C8A: variants seen among roughly 807,000 people sequenced by gnomAD.
The protein encoded by C8A is complement component C8 alpha chain.
Under a neutral mutation model 65.3 loss-of-function variants are expected in C8A, and 67 were observed. That is an observed-to-expected ratio of 1.03 (90% CI 0.84 to 1.26). The LOEUF (loss-of-function observed/expected upper bound fraction) is 1.26. Among genes scored for constraint, C8A ranks in the 50% most tolerant of loss-of-function variants. C8A has a pLI of 0.00. For synonymous variants in C8A, 290 were observed against 259.4 expected (o/e 1.12, Z -1.13); for missense variants, 781 against 723.9 (o/e 1.08, Z -0.90).
At chr1:56,882,856 A>G (rs1644259070) in intron 5 of C8A, among the ~76,000 whole-genome samples, 1 of 152,186 alleles carries the variant, frequency 6.6e-6, no homozygotes, top group Non-Finnish European at 1.5e-5. Flanking sequence ...TAAAGTAGAA[A>G]GGAAACTGAC....
chr1:56,878,784 A>T (rs1159461567), intron 4 of C8A, among the ~76,000 whole-genome samples: 1 of 152,154 alleles, frequency 6.6e-6, no homozygotes, highest in Non-Finnish European at 1.5e-5. Context: ...GACCCCTGTT[A>T]ACAGTTTGGT....
chr1:56,869,946 A>G (rs1394251002), intron 2 of C8A, among the ~76,000 whole-genome samples: 1 of 152,152 alleles, frequency 6.6e-6, no homozygotes, highest in African/African-American at 2.4e-5. Flanking sequence ...TTGCATAGCT[A>G]GTAAGTGGCA....
At chr1:56,855,023 C>A in intron 1 of C8A, 45 bp downstream of exon 1, 1 of 1,413,746 alleles carries the variant, frequency 7.1e-7, no homozygotes, top group Non-Finnish European at 1.0e-6. Flanking sequence ...GTAGGAATCA[C>A]CTGCTGGGGA....
intron 1 of C8A, 62 bp from the exon 2 acceptor site, chr1:56,867,547 G>A: frequency 8.4e-7 from 1 of 1,193,808 alleles, no homozygotes; most frequent in Admixed American, 1.7e-5. Context: ...AATGTGCACA[G>A]CTTTCTCATT....
At chr1:56,886,281 A>G (rs1644299866) in intron 7 of C8A, 114 bp downstream of exon 7, 4 of 1,231,590 alleles carry the variant, frequency 3.2e-6, no homozygotes, top group Non-Finnish European at 4.7e-6. Flanking sequence ...AGTTTTTAGG[A>G]CAACTCTATA....
intron 5 of C8A, among the ~76,000 whole-genome samples, chr1:56,883,244 T>TGTGC (rs1644262207): frequency 1.3e-5 from 2 of 152,090 alleles, no homozygotes; most frequent in African/African-American, 4.8e-5. Flanking sequence ...TGTGTGTGTG[T>TGTGC]GTGCAAGCAC....
At chr1:56,860,387 C>T (rs1293941407) in intron 1 of C8A, among the ~76,000 whole-genome samples, 1 of 152,122 alleles carries the variant, frequency 6.6e-6, no homozygotes, top group Non-Finnish European at 1.5e-5. Context: ...CCCAAAGAAC[C>T]TTAGGCACCA....
chr1:56,875,211 C>A, intron 3 of C8A, 118 bp downstream of exon 3: 1 of 1,247,038 alleles, frequency 8.0e-7, no homozygotes, highest in Non-Finnish European at 1.1e-6. Context: ...GGTTGCCATT[C>A]TCTAGGTTTG....
Position 56,908,132 on chromosome 1 carries a change from G to A in C8A, c.1380+19G>A. The A allele has an allele frequency of 3.1e-6, 5 of 1,612,846 alleles. No individual in the cohort carries two copies. In the African/African-American group the frequency reaches 6.7e-5, roughly 22 times the overall value. On this transcript the variant is annotated intron_variant, in intron 9 of 10. Transcript: ENST00000361249. ...TTTTGAGGTAAGTCTTTTCGCAGTTGAAGAAACTCTACGTCCATGAGGAAT... is the reference window on the plus strand; with the variant it reads ...TTTTGAGGTAAGTCTTTTCGCAGTTAAAGAAACTCTACGTCCATGAGGAAT...
In C8A at chr1:56,875,028, G is replaced by A. The variant is rs937797777; in HGVS notation, c.251G>A (p.Cys84Tyr). The part of the protein sequence containing the change: ...CSGDIWDQAS[C>Y]SSSTTCVRQA... ...GGTGACATCTGGGATCAAGCCAGCT[G>A]CTCCAGTTCTACAACTTGTGTAAGG... The change falls in exon 3 of 11, where the codon TGC (cysteine) becomes TAC (tyrosine). Residue 84 changes from cysteine to tyrosine, a missense_variant. Transcript: ENST00000361249. 3 of 1,613,656 alleles carry A rather than the reference G, an allele frequency of 1.9e-6. No individual in the cohort carries two copies. Among genetic ancestry groups the A allele is most frequent in the African/African-American group, 2.7e-5 (2 of 74,910 alleles).
chr1:56,900,411 T>G (rs1467981627), intron 7 of C8A, among the ~76,000 whole-genome samples: 1 of 152,192 alleles, frequency 6.6e-6, no homozygotes, highest in Non-Finnish European at 1.5e-5. Context: ...ACAATTATCA[T>G]TCCCGTTTTA....
chr1:56,910,127 T>A (rs1644494688), intron 9 of C8A, among the ~76,000 whole-genome samples: 1 of 152,204 alleles, frequency 6.6e-6, no homozygotes, highest in Admixed American at 6.5e-5. Context: ...GAGCCTGATG[T>A]TCAGAGTGGA....
rs138463337 is a variant in C8A at position 56,892,380 on chromosome 1, C to T, written c.1096+6213C>T. Among the ~76,000 whole-genome samples, 294 of 152,184 alleles carry T rather than the reference C, an allele frequency of 1.9e-3. 1 individual carries two copies. The highest frequency in any genetic ancestry group is 3.5e-3 in the South Asian group (17 of 4,824). ...TCCTGTGAGGGAGGCATGGTTTCCT[C>T]ATTTTTACAGATGAAGGAAACAAGG... On this transcript the variant is annotated intron_variant, in intron 7 of 10. Coordinates refer to ENST00000361249, the MANE Select transcript of C8A (RefSeq NM_000562.3).
At chr1:56,889,967 T>G (rs1644331757) in intron 7 of C8A, among the ~76,000 whole-genome samples, 1 of 152,148 alleles carries the variant, frequency 6.6e-6, no homozygotes, top group African/African-American at 2.4e-5. Flanking sequence ...ATCAGTACGG[T>G]TTGGGGCTTA....
At chr1:56,874,087 T>TG (rs1342590644) in intron 2 of C8A, among the ~76,000 whole-genome samples, 1 of 152,252 alleles carries the variant, frequency 6.6e-6, no homozygotes, top group East Asian at 1.9e-4. Context: ...CTCTATCTCT[T>TG]GGATGGGTGC....
intron 7 of C8A, among the ~76,000 whole-genome samples, chr1:56,897,496 A>G (rs529162091): frequency 3.1e-4 from 47 of 152,362 alleles, no homozygotes; most frequent in African/African-American, 1.1e-3. Flanking sequence ...ATCATCGATT[A>G]GTGATGTCTG....
intron 4 of C8A, among the ~76,000 whole-genome samples, chr1:56,877,236 T>C (rs1324762412): frequency 6.6e-6 from 1 of 152,204 alleles, no homozygotes; most frequent in East Asian, 1.9e-4. Flanking sequence ...ACTTCTGTTG[T>C]GTAGGGCACC....
intron 10 of C8A, 79 bp downstream of exon 10, chr1:56,912,704 C>T (rs1214281949): frequency 1.7e-5 from 23 of 1,317,618 alleles, no homozygotes; most frequent in Non-Finnish European, 2.4e-5. Flanking sequence ...TTTGGGGTTC[C>T]CGGCCCCTCC....
chr1:56,868,409 G>C (rs954896126), intron 2 of C8A, among the ~76,000 whole-genome samples: 1 of 151,680 alleles, frequency 6.6e-6, no homozygotes. Context: ...AGAAGTTCAA[G>C]ACCAGCCTGG....
Sources: allele counts gnomAD v4.1 joint callset (sites outside exome capture counted in the v4.1 genomes callset), GRCh38; gene constraint gnomAD v4.1.1; transcripts MANE v1.5; gene names NCBI Gene and HGNC (gene_info 2026-07-23, HGNC 2026-07-21).